The following PPP3CA variants were observed in gnomAD, a reference collection of about 807,000 sequenced individuals.
PPP3CA encodes the protein protein phosphatase 3 catalytic subunit alpha, also known as CAM-PRP catalytic subunit.
A neutral mutation model predicts 66.5 loss-of-function variants in PPP3CA; 14 were observed. That is an observed-to-expected ratio of 0.21 (90% CI 0.14 to 0.33). The LOEUF is 0.33. Among genes scored for constraint, PPP3CA ranks in the 10% least tolerant of loss-of-function variants. The pLI is 1.00. For synonymous variants in PPP3CA, 232 were observed against 226.2 expected, an observed-to-expected ratio of 1.03 and a Z score of -0.23; for missense variants, 317 against 639.5, an observed-to-expected ratio of 0.50 and a Z score of 5.44.
intron 2 of PPP3CA, among the ~76,000 whole-genome samples, chr4:101,153,417 C>T (rs929595355): frequency 3.3e-5 from 5 of 152,128 alleles, no homozygotes; most frequent in Non-Finnish European, 7.4e-5. Flanking sequence ...ACATTCATTT[C>T]AACAGTACAC....
At chr4:101,266,428 A>G (rs1727172084) in intron 1 of PPP3CA, among the ~76,000 whole-genome samples, 1 of 152,232 alleles carries the variant, frequency 6.6e-6, no homozygotes, top group Non-Finnish European at 1.5e-5. Context: ...TATGTTTACT[A>G]CTAAATTATA....
chr4:101,084,009 T>C (rs1470442577), intron 6 of PPP3CA, among the ~76,000 whole-genome samples: 1 of 152,212 alleles, frequency 6.6e-6, no homozygotes, highest in African/African-American at 2.4e-5. Flanking sequence ...AATAACTTCA[T>C]TATAAATGAA....
intron 1 of PPP3CA, among the ~76,000 whole-genome samples, chr4:101,197,072 G>T (rs1004065841): frequency 1.3e-5 from 2 of 152,194 alleles, no homozygotes; most frequent in Non-Finnish European, 2.9e-5. Context: ...TGGACAACTA[G>T]AAGTATCTGG....
Position 101,057,060 on chromosome 4 carries a change from C to CT in PPP3CA, c.1156+4026dup, listed in dbSNP as rs60282854. On this transcript the variant is annotated intron_variant, in intron 10 of 13. Transcript: ENST00000394854. ...TATATAATATCTTAAGTAGAATATA[C>CT]TTTTTTTTTTTTTTGAATCAGTCTC... 3.3e-3 allele frequency among the ~76,000 whole-genome samples: 484 copies of CT among 144,996 alleles called. 1 individual carries two copies. The highest frequency in any genetic ancestry group is 9.6e-3 in the East Asian group (48 of 4,990).
At chr4:101,295,125 C>A (rs1728158840) in intron 1 of PPP3CA, among the ~76,000 whole-genome samples, 3 of 150,038 alleles carry the variant, frequency 2.0e-5, no homozygotes, top group South Asian at 4.2e-4. Flanking sequence ...CAAGGTGAAA[C>A]CCCGTCTCTA....
intron 2 of PPP3CA, among the ~76,000 whole-genome samples, chr4:101,184,931 GGA>G (rs1283061131): frequency 2.6e-5 from 4 of 152,098 alleles, no homozygotes; most frequent in African/African-American, 9.7e-5. Flanking sequence ...AGTCACTGGG[GGA>G]GCTGCGGCAG....
At chr4:101,319,408 AT>A (rs1474244348) in intron 1 of PPP3CA, among the ~76,000 whole-genome samples, 1 of 152,122 alleles carries the variant, frequency 6.6e-6, no homozygotes, top group Non-Finnish European at 1.5e-5. Flanking sequence ...TCTTAAGCAT[AT>A]GTTTAGGATT....
intron 2 of PPP3CA, among the ~76,000 whole-genome samples, chr4:101,176,909 T>C (rs17030887): frequency 0.078 from 11,902 of 152,204 alleles, 626 homozygotes; most frequent in East Asian, 0.19. Context: ...CTTTTCACCA[T>C]GCTTTTTTCT....
chr4:101,063,462 A>T, intron 8 of PPP3CA, 105 bp from the exon 9 acceptor site: 1 of 1,354,518 alleles, frequency 7.4e-7, no homozygotes, highest in Non-Finnish European at 1.0e-6. Context: ...GAAGTTCCAA[A>T]ACATCCAGGC....
intron 1 of PPP3CA, among the ~76,000 whole-genome samples, chr4:101,220,894 T>C (rs567912125): frequency 6.6e-6 from 1 of 151,868 alleles, no homozygotes; most frequent in East Asian, 1.9e-4. Context: ...TCTTGTAGTT[T>C]TATTGAAACA....
chr4:101,188,884 G>T (rs541962706), intron 2 of PPP3CA, among the ~76,000 whole-genome samples: 1 of 152,148 alleles, frequency 6.6e-6, no homozygotes, highest in Admixed American at 6.5e-5. Context: ...GCAAGGTGTG[G>T]ACCTAAAAGC....
chr4:101,108,331 T>C (rs1400931410), intron 3 of PPP3CA, among the ~76,000 whole-genome samples: 1 of 152,238 alleles, frequency 6.6e-6, no homozygotes, highest in Non-Finnish European at 1.5e-5. Flanking sequence ...GCTTATTTGA[T>C]CAACATTGAT....
chr4:101,243,583 G>T (rs1726381378), intron 1 of PPP3CA, among the ~76,000 whole-genome samples: 1 of 152,114 alleles, frequency 6.6e-6, no homozygotes, highest in Non-Finnish European at 1.5e-5. Context: ...TTGTATTAAG[G>T]ATTATAAGTA....
intron 2 of PPP3CA, among the ~76,000 whole-genome samples, chr4:101,174,993 G>A (rs1724012709): frequency 6.6e-6 from 1 of 152,064 alleles, no homozygotes; most frequent in Admixed American, 6.6e-5. Flanking sequence ...CCATGTTCAG[G>A]GGGAAGTCAG....
At chr4:101,308,183 A>T (rs909008362) in intron 1 of PPP3CA, among the ~76,000 whole-genome samples, 2 of 152,212 alleles carry the variant, frequency 1.3e-5, no homozygotes, top group African/African-American at 4.8e-5. Context: ...TGAAATGTAA[A>T]ATTAAAACTT....
At chr4:101,061,195 GT>G (rs1560582937) in intron 9 of PPP3CA, 34 bp from the exon 10 acceptor site, 2 of 1,563,634 alleles carry the variant, frequency 1.3e-6, no homozygotes, top group Admixed American at 3.4e-5. Context: ...AAAAGTCAGG[GT>G]TTTCTGTTAT....
intron 6 of PPP3CA, among the ~76,000 whole-genome samples, chr4:101,084,575 G>A (rs1343374076): frequency 6.6e-6 from 1 of 151,816 alleles, no homozygotes; most frequent in East Asian, 1.9e-4. Context: ...CCCAGGAGGT[G>A]GAGGTTGCAG....
intron 1 of PPP3CA, among the ~76,000 whole-genome samples, chr4:101,211,419 C>T (rs1725295063): frequency 1.3e-5 from 2 of 152,298 alleles, no homozygotes; most frequent in South Asian, 2.1e-4. Context: ...TGATTCACAT[C>T]TCACCACATA....
chr4:101,059,285 A>G (rs942226397), intron 10 of PPP3CA, among the ~76,000 whole-genome samples: 37 of 152,132 alleles, frequency 2.4e-4, no homozygotes, highest in African/African-American at 8.7e-4. Flanking sequence ...CAATATATTT[A>G]AGTTCTTATA....
Sources: allele counts gnomAD v4.1 joint callset (sites outside exome capture counted in the v4.1 genomes callset), GRCh38; gene constraint gnomAD v4.1.1; transcripts MANE v1.5; gene names NCBI Gene and HGNC (gene_info 2026-07-23, HGNC 2026-07-21).